Variants in ITGA8 observed in about 807,000 individuals in gnomAD.
The protein encoded by ITGA8 is integrin alpha-8.
A neutral mutation model predicts 142.3 loss-of-function variants in ITGA8; 91 were observed. That is an observed-to-expected ratio of 0.64 (90% CI 0.54 to 0.76). The LOEUF (loss-of-function observed/expected upper bound fraction) is 0.76. Ranked by LOEUF, ITGA8 falls within the 30% of genes least tolerant of loss-of-function variation. ITGA8 has a pLI of 0.00. For synonymous variants in ITGA8, 505 were observed against 485.2 expected (o/e 1.04, Z -0.54); for missense variants, 1,406 against 1,327.7 (o/e 1.06, Z -0.92).
chr10:15,545,866 T>C (rs1380461375), intron 27 of ITGA8, among the ~76,000 whole-genome samples: 2 of 152,218 alleles, frequency 1.3e-5, no homozygotes. Context: ...ACGTAATTAT[T>C]ATCACATCAC....
At chr10:15,561,082 A>G (rs1330749221) in intron 25 of ITGA8, among the ~76,000 whole-genome samples, 3 of 151,596 alleles carry the variant, frequency 2.0e-5, no homozygotes, top group Non-Finnish European at 4.4e-5. Context: ...TAAAGACAGC[A>G]TCTTGCTATG....
intron 2 of ITGA8, among the ~76,000 whole-genome samples, chr10:15,691,272 A>C (rs1048894635): frequency 6.6e-6 from 1 of 152,212 alleles, no homozygotes; most frequent in Non-Finnish European, 1.5e-5. Flanking sequence ...TGTTATGAAA[A>C]ACATTAAAGG....
chr10:15,690,636 C>A (rs763796146), intron 2 of ITGA8, among the ~76,000 whole-genome samples: 1 of 152,172 alleles, frequency 6.6e-6, no homozygotes, highest in Non-Finnish European at 1.5e-5. Flanking sequence ...TTGGACCCAA[C>A]ACAAAGAGGG....
At chr10:15,648,813 C>A (rs1369318532) in intron 11 of ITGA8, among the ~76,000 whole-genome samples, 2 of 152,186 alleles carry the variant, frequency 1.3e-5, no homozygotes, top group African/African-American at 2.4e-5. Flanking sequence ...ATCCTGTGTA[C>A]TTCCTATGTT....
intron 2 of ITGA8, among the ~76,000 whole-genome samples, chr10:15,704,681 C>T (rs2131730589): frequency 6.6e-6 from 1 of 152,272 alleles, no homozygotes; most frequent in Non-Finnish European, 1.5e-5. Flanking sequence ...ACACAGCATG[C>T]TTCTGTTTAG....
chr10:15,598,653 T>C (rs549461433), intron 20 of ITGA8, among the ~76,000 whole-genome samples: 1 of 152,326 alleles, frequency 6.6e-6, no homozygotes, highest in African/African-American at 2.4e-5. Flanking sequence ...GCTGACACTT[T>C]CTTGTAAAAG....
At chr10:15,640,796 G>A (rs572219173) in intron 13 of ITGA8, among the ~76,000 whole-genome samples, 1 of 152,272 alleles carries the variant, frequency 6.6e-6, no homozygotes, top group South Asian at 2.1e-4. Context: ...GCTAAAAGGG[G>A]ACTGAAAGAG....
chr10:15,580,163 T>C (rs956585131), intron 23 of ITGA8, among the ~76,000 whole-genome samples: 3 of 123,008 alleles, frequency 2.4e-5, no homozygotes, highest in Non-Finnish European at 5.2e-5. Flanking sequence ...AAGGAGAAGA[T>C]ATAAACTGCC....
chr10:15,705,256 C>T (rs1467739317), intron 2 of ITGA8, among the ~76,000 whole-genome samples: 4 of 152,160 alleles, frequency 2.6e-5, no homozygotes, highest in Admixed American at 2.6e-4. Flanking sequence ...GCCATTCTGC[C>T]ACTACTCTGA....
At chr10:15,527,242 T>A (rs542224239) in intron 28 of ITGA8, among the ~76,000 whole-genome samples, 64 of 152,354 alleles carry the variant, frequency 4.2e-4, no homozygotes, top group Admixed American at 2.6e-3. Flanking sequence ...AATAATTGTT[T>A]AATATAAGAG....
At chr10:15,598,675 A>G (rs367906365) in intron 20 of ITGA8, among the ~76,000 whole-genome samples, 7 of 152,356 alleles carry the variant, frequency 4.6e-5, no homozygotes, top group Middle Eastern at 3.4e-3. Context: ...GAAGGCTACA[A>G]TGAAACAGAC....
intron 29 of ITGA8, among the ~76,000 whole-genome samples, chr10:15,517,999 C>T (rs1358468729): frequency 6.6e-6 from 1 of 152,176 alleles, no homozygotes; most frequent in African/African-American, 2.4e-5. Context: ...GGCCACACAT[C>T]CCTCGGTGCT....
intron 8 of ITGA8, among the ~76,000 whole-genome samples, chr10:15,670,703 C>T (rs775652833): frequency 3.9e-5 from 6 of 152,148 alleles, no homozygotes; most frequent in Admixed American, 2.0e-4. Flanking sequence ...TTTTAGATTA[C>T]AAGCATGATT....
intron 25 of ITGA8, among the ~76,000 whole-genome samples, chr10:15,565,390 T>C (rs888813199): frequency 2.6e-5 from 4 of 152,054 alleles, no homozygotes; most frequent in African/African-American, 9.7e-5. Context: ...TCTGTTTTTT[T>C]CTGGGAGGAG....
chr10:15,668,103 A>G (rs1470439961), intron 8 of ITGA8, among the ~76,000 whole-genome samples: 3 of 152,072 alleles, frequency 2.0e-5, no homozygotes, highest in South Asian at 2.1e-4. Flanking sequence ...TGATCTGTCT[A>G]ATGTTGACAG....
At chr10:15,637,504 ATT>A (rs59157680) in intron 13 of ITGA8, among the ~76,000 whole-genome samples, 67 of 131,140 alleles carry the variant, frequency 5.1e-4, no homozygotes, top group Middle Eastern at 3.8e-3. Context: ...GACTCTTTAA[ATT>A]TTTTTTTTTT....
chr10:15,529,605 T>C (rs12416592), intron 28 of ITGA8, among the ~76,000 whole-genome samples: 26,815 of 152,136 alleles, frequency 0.18, 2,585 homozygotes, highest in Admixed American at 0.2. Context: ...TACTGAATAT[T>C]TGGGGAGAAG....
intron 2 of ITGA8, among the ~76,000 whole-genome samples, chr10:15,713,897 T>G (rs559363860): frequency 6.6e-6 from 1 of 152,020 alleles, no homozygotes; most frequent in African/African-American, 2.4e-5. Flanking sequence ...TTTATTTTTA[T>G]TTTTTAACAC....
At chr10:15,686,039 C>T (rs1445306212) in intron 3 of ITGA8, among the ~76,000 whole-genome samples, 2 of 152,190 alleles carry the variant, frequency 1.3e-5, no homozygotes. Context: ...TCCAAATACT[C>T]ATCTCTAAAG....
Sources: allele counts gnomAD v4.1 joint callset (sites outside exome capture counted in the v4.1 genomes callset), GRCh38; gene constraint gnomAD v4.1.1; transcripts MANE v1.5; gene names NCBI Gene and HGNC (gene_info 2026-07-23, HGNC 2026-07-21).